The following SLC7A11 variants were observed in gnomAD, a reference collection of about 807,000 sequenced individuals.
SLC7A11 encodes the protein solute carrier family 7 member 11, also known as cystine/glutamate transporter.
Under a neutral mutation model 54.5 loss-of-function variants are expected in SLC7A11, and 35 were observed. The ratio of observed to expected loss-of-function variants is 0.64; its 90% CI spans 0.49 to 0.85. The LOEUF (loss-of-function observed/expected upper bound fraction) is 0.85. SLC7A11 is among the 40% of genes least tolerant of loss of function. SLC7A11 has a pLI of 0.00. For synonymous variants in SLC7A11, 230 were observed against 225.2 expected (o/e 1.02, Z -0.19); for missense variants, 583 against 618.1 (o/e 0.94, Z 0.60).
chr4:138,207,898 AG>A (rs1180520575), intron 6 of SLC7A11, among the ~76,000 whole-genome samples: 10 of 152,086 alleles, frequency 6.6e-5, no homozygotes, highest in Admixed American at 6.6e-4. Context: ...TACAAGCAAT[AG>A]GCCTTATAAA....
chr4:138,196,913 G>T (rs1432221573), intron 6 of SLC7A11, among the ~76,000 whole-genome samples: 1 of 152,138 alleles, frequency 6.6e-6, no homozygotes, highest in Non-Finnish European at 1.5e-5. Context: ...GCCCACCTTG[G>T]CCTCCCAAAG....
chr4:138,220,297 A>T (rs1001447434), intron 4 of SLC7A11, among the ~76,000 whole-genome samples: 3 of 152,154 alleles, frequency 2.0e-5, no homozygotes, highest in Admixed American at 6.6e-5. Context: ...CCCATTCATG[A>T]AGTATTACCC....
chr4:138,188,486 G>A (rs1736930464), intron 6 of SLC7A11, among the ~76,000 whole-genome samples: 1 of 152,128 alleles, frequency 6.6e-6, no homozygotes, highest in African/African-American at 2.4e-5. Context: ...TCTCTTGGCT[G>A]TTTTGGCATA....
chr4:138,194,313 A>G (rs1023518920), intron 6 of SLC7A11, among the ~76,000 whole-genome samples: 3 of 152,252 alleles, frequency 2.0e-5, no homozygotes, highest in Middle Eastern at 3.4e-3. Flanking sequence ...ATAAAGATTC[A>G]TATTCCCCGC....
At chr4:138,237,353 A>G (rs1356197425) in intron 1 of SLC7A11, among the ~76,000 whole-genome samples, 1 of 151,150 alleles carries the variant, frequency 6.6e-6, no homozygotes, top group African/African-American at 2.4e-5. Flanking sequence ...TTTCTATAAA[A>G]GGCTATCTTG....
chr4:138,214,358 A>C (rs948539888), intron 6 of SLC7A11, among the ~76,000 whole-genome samples: 3 of 151,478 alleles, frequency 2.0e-5, no homozygotes, highest in Non-Finnish European at 4.4e-5. Context: ...CTTAGTATTG[A>C]ATGTAGACTA....
In SLC7A11 at chr4:138,165,050, A is replaced by G. The variant is rs1360003177; in HGVS notation, c.*6906T>C. 6.6e-6 allele frequency: 1 copy of G among 152,428 alleles called. No homozygotes were observed. Among genetic ancestry groups the G allele is most frequent in the African/African-American group, 2.4e-5 (1 of 41,440 alleles). The allele number at this position is 152,428 out of a possible 1,614,324, so 9.4% of individuals were successfully genotyped here. A position where few individuals can be genotyped will look rare whatever the true frequency, so the allele number is the denominator to read the frequency against. On this transcript the variant is annotated 3_prime_UTR_variant, in exon 12 of 12. Coordinates refer to ENST00000280612, the MANE Select transcript of SLC7A11 (RefSeq NM_014331.4). ...CAGAATATGAAAAATATTTAAATAC[A>G]TTCATAGATAGTACCTAATAATATG...
rs4597880 is a variant in SLC7A11 at position 138,190,411 on chromosome 4, C to A, written c.792-5167G>T. Among the ~76,000 whole-genome samples, 129 of 152,092 alleles carry A rather than the reference C, an allele frequency of 8.5e-4. 2 individuals are homozygous for A. Among genetic ancestry groups the A allele is most frequent in the African/African-American group, 3.0e-3 (124 of 41,494 alleles). ...AAAGTACTTATAATTATATTAAGTA[C>A]CTTTTGATTCAAAGCATTTATTTTT... On this transcript the variant is annotated intron_variant, in intron 6 of 11. Coordinates refer to ENST00000280612, the MANE Select transcript of SLC7A11 (RefSeq NM_014331.4).
intron 6 of SLC7A11, among the ~76,000 whole-genome samples, chr4:138,202,984 C>A (rs1051713007): frequency 1.3e-5 from 2 of 152,024 alleles, no homozygotes; most frequent in African/African-American, 4.8e-5. Context: ...AAAATCAGAT[C>A]TTTAATACAC....
chr4:138,181,226 C>T (rs537869691), intron 9 of SLC7A11, among the ~76,000 whole-genome samples: 9 of 152,146 alleles, frequency 5.9e-5, no homozygotes, highest in African/African-American at 2.2e-4. Context: ...AAATGCTCTC[C>T]GGTGAGCTCT....
chr4:138,166,370 C>T lies in SLC7A11; in HGVS notation c.*5586G>A, dbSNP rs1291113113. On this transcript the variant is annotated 3_prime_UTR_variant, in exon 12 of 12. Coordinates refer to ENST00000280612, the MANE Select transcript of SLC7A11 (RefSeq NM_014331.4). ...ACAAGATGCTGTAATAATACCCTGT[C>T]ACACAAGGTACTCAAAATACAGTCA... 1 of 152,202 alleles carries T rather than the reference C, an allele frequency of 6.6e-6. No homozygotes were observed. Among genetic ancestry groups the T allele is most frequent in the Non-Finnish European group, 1.5e-5 (1 of 68,026 alleles). The allele number at this position is 152,202 out of a possible 1,614,324, so 9.4% of individuals were successfully genotyped here. A position where few individuals can be genotyped will look rare whatever the true frequency, so the allele number is the denominator to read the frequency against.
At chr4:138,219,480 T>C (rs1737757161) in intron 4 of SLC7A11, 115 bp from the exon 5 acceptor site, 2 of 641,152 alleles carry the variant, frequency 3.1e-6, no homozygotes. Context: ...GATTTCTTAC[T>C]CTCTGTTGAT....
intron 2 of SLC7A11, among the ~76,000 whole-genome samples, chr4:138,234,080 T>C (rs1185555136): frequency 6.6e-6 from 1 of 152,222 alleles, no homozygotes; most frequent in Non-Finnish European, 1.5e-5. Context: ...GATTTCTCGA[T>C]TGATAATGAT....
intron 11 of SLC7A11, chr4:138,174,642 G>A (rs929219538): frequency 2.0e-5 from 3 of 152,114 alleles, no homozygotes; most frequent in Non-Finnish European, 4.4e-5. Flanking sequence ...CCTGCTTGCC[G>A]GGGAAAGCTG....
Position 138,241,830 on chromosome 4 carries a change from CAG to C in SLC7A11, c.238_239del (p.Leu80AspfsTer19). Reference sequence around the variant, plus strand: ...GGACCCCACACACCGTCCAGATGGTCAGAGACATGCCCACGCTGCCCGTGTTC... The same window carrying C: ...GGACCCCACACACCGTCCAGATGGTCAGACATGCCCACGCTGCCCGTGTTC... ...LQNTGSVGMS[L>X]TIWTVCGVLS... On this transcript the variant is annotated frameshift_variant, in exon 1 of 12. Transcript: ENST00000280612. LOFTEE classifies it high-confidence loss of function. 6.2e-7 allele frequency: 1 copy of C among 1,614,146 alleles called. No individual in the cohort carries two copies. The highest frequency in any genetic ancestry group is 8.5e-7 in the Non-Finnish European group (1 of 1,180,034).
intron 6 of SLC7A11, among the ~76,000 whole-genome samples, chr4:138,192,028 T>A (rs1040936359): frequency 6.6e-5 from 10 of 152,154 alleles, no homozygotes; most frequent in South Asian, 2.1e-4. Context: ...TTTAATTTTT[T>A]AAAAAAATTT....
rs1736401477 is a variant in SLC7A11, at chr4:138,170,555, A to G, written c.*1401T>C. The G allele has an allele frequency of 6.6e-6, 1 of 151,686 alleles. No individual in the cohort carries two copies. Among genetic ancestry groups the G allele is most frequent in the Non-Finnish European group, 1.5e-5 (1 of 67,948 alleles). 9.4% of individuals were successfully genotyped at this position (151,686 alleles called of 1,614,324 possible). On this transcript the variant is annotated 3_prime_UTR_variant, in exon 12 of 12. Transcript: ENST00000280612. ...GGTCTAGAACTCCCGACCTCAGGTG[A>G]TCCACCCCCTCAGCCTCCCAAAGTG...
Position 138,242,076 on chromosome 4 carries a change from G to T in SLC7A11, c.-7C>A. The stretch of plus-strand genomic sequence containing the variant: ...CAACAGGCTTTCTGACCATAGTAGG[G>T]ACACACGGGGGAAAAATAAAACAGA... On this transcript the variant is annotated 5_prime_UTR_variant, in exon 1 of 12. Coordinates refer to ENST00000280612, the MANE Select transcript of SLC7A11 (RefSeq NM_014331.4). 6.2e-7 allele frequency: 1 copy of T among 1,613,038 alleles called. No individual in the cohort carries two copies. Among genetic ancestry groups the T allele is most frequent in the Non-Finnish European group, 8.5e-7 (1 of 1,179,398 alleles).
chr4:138,199,250 T>A (rs1216851734), intron 6 of SLC7A11, among the ~76,000 whole-genome samples: 1 of 152,186 alleles, frequency 6.6e-6, no homozygotes, highest in East Asian at 1.9e-4. Flanking sequence ...TTTTATTTGA[T>A]GTGATTAAGA....
Sources: allele counts gnomAD v4.1 joint callset (sites outside exome capture counted in the v4.1 genomes callset), GRCh38; gene constraint gnomAD v4.1.1; transcripts MANE v1.5; gene names NCBI Gene and HGNC (gene_info 2026-07-23, HGNC 2026-07-21).